Variants in FNBP1 observed in about 807,000 individuals in gnomAD.
FNBP1 encodes the protein formin-binding protein 1.
FNBP1 carries 26 observed loss-of-function variants against 90.6 expected under a neutral mutation model. That is an observed-to-expected ratio of 0.29 (90% CI 0.21 to 0.40). FNBP1 has a LOEUF of 0.40. Ranked by LOEUF, FNBP1 falls within the 10% of genes least tolerant of loss-of-function variation. The pLI is 1.00. For missense variants in FNBP1, 635 were observed against 768.0 expected (o/e 0.83, Z 2.05); for synonymous variants, 260 against 265.2 (o/e 0.98, Z 0.19).
intron 7 of FNBP1, among the ~76,000 whole-genome samples, chr9:129,927,829 G>A (rs912626302): frequency 7.2e-6 from 1 of 139,808 alleles, no homozygotes; most frequent in East Asian, 2.2e-4. Flanking sequence ...TCGCCATGTT[G>A]GCCAGGCTGG....
At chr9:129,980,125 C>T (rs374507097) in intron 2 of FNBP1, among the ~76,000 whole-genome samples, 1 of 151,164 alleles carries the variant, frequency 6.6e-6, no homozygotes, top group South Asian at 2.1e-4. Context: ...CTTTGGAGGC[C>T]GTGGCAGACA....
intron 1 of FNBP1, among the ~76,000 whole-genome samples, chr9:130,008,004 A>AT (rs1466368563): frequency 1.4e-5 from 2 of 147,522 alleles, no homozygotes; most frequent in African/African-American, 5.0e-5. Flanking sequence ...TCTCAAAAAA[A>AT]AAAAAAAAAA....
At chr9:129,939,126 C>T (rs1356697129) in intron 6 of FNBP1, among the ~76,000 whole-genome samples, 3 of 152,252 alleles carry the variant, frequency 2.0e-5, no homozygotes, top group South Asian at 2.1e-4. Context: ...CAGTGGCTCA[C>T]GCCTATAATC....
chr9:129,959,013 A>G (rs895841175), intron 4 of FNBP1, among the ~76,000 whole-genome samples: 2 of 147,174 alleles, frequency 1.4e-5, no homozygotes, highest in African/African-American at 5.0e-5. Context: ...AAAAAGGAAA[A>G]GGGAATAAAA....
intron 6 of FNBP1, among the ~76,000 whole-genome samples, chr9:129,954,750 A>C (rs190194909): frequency 2.0e-5 from 3 of 152,358 alleles, no homozygotes; most frequent in Admixed American, 2.0e-4. Context: ...TAATCCCAGC[A>C]CTTTGGGAGG....
At chr9:130,038,847 CTGAA>C (rs1310205647) in intron 1 of FNBP1, among the ~76,000 whole-genome samples, 1 of 152,162 alleles carries the variant, frequency 6.6e-6, no homozygotes, top group Non-Finnish European at 1.5e-5. Context: ...GGTTCTGTCA[CTGAA>C]TAATTTGTTA....
chr9:129,931,624 A>G (rs1483866971), intron 6 of FNBP1, among the ~76,000 whole-genome samples: 4 of 150,918 alleles, frequency 2.7e-5, no homozygotes, highest in East Asian at 1.9e-4. Flanking sequence ...ATAATAATAA[A>G]ATAATAAATA....
intron 12 of FNBP1, among the ~76,000 whole-genome samples, chr9:129,907,118 A>G (rs6478925): frequency 0.76 from 115,014 of 151,090 alleles, 44,237 homozygotes; most frequent in East Asian, 0.9. Flanking sequence ...ATTCAGCCCA[A>G]AAGCCAGCCT....
chr9:129,937,089 G>A (rs2043581046), intron 6 of FNBP1, among the ~76,000 whole-genome samples: 1 of 152,026 alleles, frequency 6.6e-6, no homozygotes, highest in Non-Finnish European at 1.5e-5. Flanking sequence ...AGAATTGCTT[G>A]AACCCGGGAG....
intron 4 of FNBP1, among the ~76,000 whole-genome samples, chr9:129,976,591 G>C (rs2050343159): frequency 6.6e-6 from 1 of 152,134 alleles, no homozygotes; most frequent in South Asian, 2.1e-4. Flanking sequence ...AAGCGCCCTG[G>C]CTGCTCTCTA....
intron 1 of FNBP1, among the ~76,000 whole-genome samples, chr9:130,002,483 G>C (rs556969569): frequency 3.9e-4 from 59 of 152,204 alleles, no homozygotes; most frequent in African/African-American, 1.2e-3. Flanking sequence ...GTCCTGGCCA[G>C]AGCTGGTTGT....
At chr9:129,947,448 A>AAAAAAAAAAAAAAAG in intron 6 of FNBP1, among the ~76,000 whole-genome samples, 1 of 151,220 alleles carries the variant, frequency 6.6e-6, no homozygotes, top group Admixed American at 6.6e-5. Context: ...CTCAAAAAAA[A>AAAAAAAAAAAAAAAG]AAAAGAAAAG....
chr9:129,908,808 C>T, intron 12 of FNBP1, 82 bp downstream of exon 12: 1 of 871,746 alleles, frequency 1.1e-6, no homozygotes, highest in South Asian at 1.4e-5. Context: ...CCACCGCAGC[C>T]TCCCAAAGTG....
intron 4 of FNBP1, among the ~76,000 whole-genome samples, chr9:129,962,104 T>C (rs1233782250): frequency 6.6e-6 from 1 of 152,156 alleles, no homozygotes; most frequent in Non-Finnish European, 1.5e-5. Context: ...CTCACTGAGA[T>C]GATACAGGTT....
chr9:129,905,772 C>A (rs10733704), intron 12 of FNBP1, among the ~76,000 whole-genome samples: 12 of 151,910 alleles, frequency 7.9e-5, no homozygotes, highest in Non-Finnish European at 1.5e-4. Flanking sequence ...AAGGACATCC[C>A]ACAAACTATA....
chr9:130,034,723 G>C (rs1269426262), intron 1 of FNBP1, among the ~76,000 whole-genome samples: 2 of 152,166 alleles, frequency 1.3e-5, no homozygotes, highest in African/African-American at 2.4e-5. Flanking sequence ...AGCATTTAGT[G>C]GTGTGAGTCA....
At position 129,925,589 on chromosome 9, in the gene FNBP1, CTTTTTTTTTT is replaced by C. The variant is rs576015094; in HGVS notation, c.790-442_790-433del. Among the ~76,000 whole-genome samples, 10 of 67,124 alleles carry C rather than the reference CTTTTTTTTTT, an allele frequency of 1.5e-4. No individual in the cohort carries two copies. In the South Asian group the frequency reaches 4.5e-3, roughly 30 times the overall value. The allele number at this position is 67,124 out of a possible 152,430, so 44.0% of individuals were successfully genotyped here. ...TTGATAATAACTTTTTTCCTAGTAG[CTTTTTTTTTT>C]TTTTTTTTTTTTTTGAGACAGTCTC... is the stretch of plus-strand genomic sequence containing the variant. On this transcript the variant is annotated intron_variant, in intron 8 of 16. Coordinates refer to ENST00000446176, the MANE Select transcript of FNBP1 (RefSeq NM_015033.3).
At chr9:129,980,363 A>T (rs556875257) in intron 2 of FNBP1, among the ~76,000 whole-genome samples, 5 of 146,488 alleles carry the variant, frequency 3.4e-5, no homozygotes, top group African/African-American at 1.2e-4. Flanking sequence ...TCCATCTCCA[A>T]AAAAAAAAAA....
In FNBP1 at chr9:129,899,983, C is replaced by A. The variant is rs758242445; in HGVS notation, c.1669G>T (p.Ala557Ser). 1.9e-6 allele frequency: 3 copies of A among 1,609,752 alleles called. No individual in the cohort carries two copies. The highest frequency in any genetic ancestry group is 3.4e-5 in the Admixed American group (2 of 59,190). ...ATGTCACCTTCAAATGTGTAGAGAGCTTTGCACGTCCCTATGGCAGGGAGG... is the reference window on the plus strand; with the variant it reads ...ATGTCACCTTCAAATGTGTAGAGAGATTTGCACGTCCCTATGGCAGGGAGG... ...EPLPAIGTCKALYTFEGQNEG... is the reference protein window; with the variant it reads ...EPLPAIGTCKSLYTFEGQNEG... The change falls in exon 15 of 17, where the codon GCT becomes TCT. Residue 557 changes from alanine (A) to serine (S), a missense_variant. Coordinates refer to ENST00000446176, the MANE Select transcript of FNBP1 (RefSeq NM_015033.3).
Sources: allele counts gnomAD v4.1 joint callset (sites outside exome capture counted in the v4.1 genomes callset), GRCh38; gene constraint gnomAD v4.1.1; transcripts MANE v1.5; gene names NCBI Gene and HGNC (gene_info 2026-07-23, HGNC 2026-07-21).